The following FLI1 variants were observed in gnomAD, a reference collection of about 807,000 sequenced individuals.
FLI1 encodes the protein Friend leukemia integration 1 transcription factor.
Under a neutral mutation model 53.1 loss-of-function variants are expected in FLI1, and 13 were observed. The observed-to-expected ratio is 0.24, with a 90% confidence interval of 0.16 to 0.39. The LOEUF (loss-of-function observed/expected upper bound fraction) is 0.39. Ranked by LOEUF, FLI1 falls within the 10% of genes least tolerant of loss-of-function variation. The pLI, the probability that FLI1 is intolerant of heterozygous loss-of-function variation, is 1.00. For synonymous variants in FLI1, 244 were observed against 236.7 expected (o/e 1.03, Z -0.28); for missense variants, 424 against 600.5 (o/e 0.71, Z 3.07).
intron 1 of FLI1, among the ~76,000 whole-genome samples, chr11:128,729,589 T>TGAACTCA (rs1939615030): frequency 6.6e-6 from 1 of 152,232 alleles, no homozygotes; most frequent in South Asian, 2.1e-4. Flanking sequence ...GGCTCCAGAA[T>TGAACTCA]GAACTCAGGA....
At chr11:128,686,258 G>T (rs775847827), upstream of FLI1, 5 of 444,910 alleles carry the variant, frequency 1.1e-5, no homozygotes, top group South Asian at 7.9e-5. Flanking sequence ...TCCTCAACAC[G>T]CACCAAGAAC....
chr11:128,789,139 C>A (rs1942189325), intron 5 of FLI1, among the ~76,000 whole-genome samples: 2 of 152,122 alleles, frequency 1.3e-5, no homozygotes, highest in South Asian at 4.1e-4. Flanking sequence ...GAGGAAGGCA[C>A]CAAGGAAACC....
intron 1 of FLI1, among the ~76,000 whole-genome samples, chr11:128,712,720 A>C (rs1195868193): frequency 6.6e-6 from 1 of 152,164 alleles, no homozygotes; most frequent in African/African-American, 2.4e-5. Context: ...CCCAGAATTC[A>C]ATCATCTCCC....
intron 1 of FLI1, among the ~76,000 whole-genome samples, chr11:128,688,031 G>C (rs1937608781): frequency 6.6e-6 from 1 of 152,208 alleles, no homozygotes; most frequent in South Asian, 2.1e-4. Flanking sequence ...AGTTTAGGAA[G>C]AGTACTCGGG....
chr11:128,689,362 A>T (rs1044712513), upstream of FLI1, among the ~76,000 whole-genome samples: 4 of 152,222 alleles, frequency 2.6e-5, no homozygotes, highest in Non-Finnish European at 5.9e-5. Flanking sequence ...CCTCCGCCCA[A>T]CACCCCCGCA....
intron 1 of FLI1, among the ~76,000 whole-genome samples, chr11:128,753,219 G>T (rs1451510831): frequency 2.6e-5 from 4 of 152,312 alleles, no homozygotes; most frequent in Non-Finnish European, 5.9e-5. Flanking sequence ...CAGCCCAGGG[G>T]TTCCTTTTAC....
At chr11:128,757,046 TTC>T (rs1268679379) in intron 1 of FLI1, among the ~76,000 whole-genome samples, 2 of 47,552 alleles carry the variant, frequency 4.2e-5, no homozygotes, top group East Asian at 7.9e-4. Flanking sequence ...AGCTAATTTT[TTC>T]TTTCTTTCTT....
intron 5 of FLI1, among the ~76,000 whole-genome samples, chr11:128,787,678 A>G (rs1213451870): frequency 1.3e-5 from 2 of 152,196 alleles, no homozygotes; most frequent in African/African-American, 4.8e-5. Flanking sequence ...AAACTCATAA[A>G]TCAGCACAGT....
rs12295893 is a variant in FLI1 at position 128,767,732 on chromosome 11, C to T, written c.231-386C>T. 6.1e-3 allele frequency among the ~76,000 whole-genome samples: 934 copies of T among 152,218 alleles called. 10 individuals are homozygous for T. Among genetic ancestry groups the T allele is most frequent in the African/African-American group, 0.021 (878 of 41,526 alleles). ...GTGTGACAAGTCCTTATAACCAAGG[C>T]GGGCACCAAGTGCTGGGGGACTGTG... On this transcript the variant is annotated intron_variant, in intron 2 of 8. Coordinates refer to ENST00000527786, the MANE Select transcript of FLI1 (RefSeq NM_002017.5).
At chr11:128,739,852 A>G (rs1232514869) in intron 1 of FLI1, among the ~76,000 whole-genome samples, 1 of 152,038 alleles carries the variant, frequency 6.6e-6, no homozygotes, top group Non-Finnish European at 1.5e-5. Flanking sequence ...GGCCTGGGAG[A>G]CAGATGTGGC....
chr11:128,808,808 C>T (rs921475504), intron 7 of FLI1, among the ~76,000 whole-genome samples: 1 of 152,100 alleles, frequency 6.6e-6, no homozygotes, highest in African/African-American at 2.4e-5. Context: ...CTGCTTTAAG[C>T]CCATGGAGTC....
chr11:128,792,923 C>T, intron 5 of FLI1, among the ~76,000 whole-genome samples: 1 of 152,218 alleles, frequency 6.6e-6, no homozygotes, highest in African/African-American at 2.4e-5. Context: ...TCAAGATCAG[C>T]CCTGGCAACA....
chr11:128,730,463 C>T (rs936027294), intron 1 of FLI1, among the ~76,000 whole-genome samples: 14 of 152,248 alleles, frequency 9.2e-5, no homozygotes, highest in African/African-American at 3.4e-4. Flanking sequence ...GTATCAAGAA[C>T]ATGCATTCTA....
At chr11:128,741,606 C>T (rs1277166508) in intron 1 of FLI1, among the ~76,000 whole-genome samples, 3 of 152,082 alleles carry the variant, frequency 2.0e-5, no homozygotes, top group Admixed American at 6.5e-5. Flanking sequence ...CCTTTGTGTC[C>T]CCTTCTCCTT....
rs1197172974 is a variant in FLI1, at chr11:128,810,818, A to G, written c.1189A>G (p.Lys397Glu). ...GCCTTCCTACCATGCCCACCAGCAG[A>G]AGGTGAACTTTGTCCCTCCCCATCC... Reference protein sequence around the residue: ...YMPSYHAHQQKVNFVPPHPSS... With the variant: ...YMPSYHAHQQEVNFVPPHPSS... Residue 397 changes from lysine to glutamate, a missense_variant, in exon 9 of 9, where the codon AAG becomes GAG. By Grantham distance (56) the Lys-to-Glu change is moderately conservative. Transcript: ENST00000527786. This position sits in a 1 kb window ranked among gnomAD's most constrained non-coding sequence, Gnocchi z 6.6. The G allele has an allele frequency of 6.2e-7, 1 of 1,613,940 alleles. No individual in the cohort carries two copies. Among genetic ancestry groups the G allele is most frequent in the East Asian group, 2.2e-5 (1 of 44,898 alleles).
At chr11:128,748,862 G>T (rs1940525969) in intron 1 of FLI1, among the ~76,000 whole-genome samples, 1 of 152,200 alleles carries the variant, frequency 6.6e-6, no homozygotes, top group Non-Finnish European at 1.5e-5. Flanking sequence ...ATAATATGAG[G>T]ATCCTAACTC....
chr11:128,761,744 T>C (rs186989936), intron 2 of FLI1, among the ~76,000 whole-genome samples: 2 of 152,260 alleles, frequency 1.3e-5, no homozygotes, highest in Admixed American at 1.3e-4. Context: ...CAGAACCCAC[T>C]TGCCAGCTCA....
intron 5 of FLI1, among the ~76,000 whole-genome samples, chr11:128,803,371 G>C (rs184378049): frequency 1.3e-5 from 2 of 152,022 alleles, no homozygotes. Context: ...AACATGCCTC[G>C]GCCCTCTCTC....
At chr11:128,690,148 T>G (rs1937676134), upstream of FLI1, among the ~76,000 whole-genome samples, 1 of 152,162 alleles carries the variant, frequency 6.6e-6, no homozygotes, top group Non-Finnish European at 1.5e-5. Context: ...CTCAAATTAA[T>G]TATGGCCTCG....
Sources: gnomAD v4.1 joint callset for allele counts (sites outside exome capture counted in the v4.1 genomes callset) on GRCh38, gnomAD v4.1.1 for gene constraint, Gnocchi (gnomAD v3.1) non-coding constraint, MANE v1.5 for transcripts, NCBI Gene and HGNC (gene_info 2026-07-23, HGNC 2026-07-21) for gene names.